The following CNOT8 variants were observed in gnomAD, a reference collection of about 807,000 sequenced individuals.
CNOT8 encodes the protein CCR4-NOT transcription complex subunit 8.
A neutral mutation model predicts 34.6 loss-of-function variants in CNOT8; 18 were observed. The observed-to-expected ratio is 0.52, with a 90% CI of 0.36 to 0.77. The LOEUF (loss-of-function observed/expected upper bound fraction) is 0.77. Ranked by LOEUF, CNOT8 falls within the 30% of genes least tolerant of loss-of-function variation. CNOT8 has a pLI of 0.00. For synonymous variants in CNOT8, 101 were observed against 118.8 expected (o/e 0.85, Z 0.98); for missense variants, 189 against 347.9 (o/e 0.54, Z 3.63).
At chr5:154,869,425 G>GT (rs765749537) in intron 3 of CNOT8, among the ~76,000 whole-genome samples, 14,828 of 127,222 alleles carry the variant, frequency 0.12, 932 homozygotes, top group African/African-American at 0.17. Flanking sequence ...GGCCTTGTTG[G>GT]TTTTTTTTTT....
chr5:154,874,569 T>C (rs1445671670), intron 6 of CNOT8, among the ~76,000 whole-genome samples: 2 of 152,046 alleles, frequency 1.3e-5, no homozygotes, highest in African/African-American at 4.8e-5. Context: ...GAGTCTTGCA[T>C]TGTCACCCAG....
chr5:154,863,423 C>T, intron 2 of CNOT8, 28 bp downstream of exon 2: 2 of 1,511,824 alleles, frequency 1.3e-6, no homozygotes, highest in South Asian at 1.1e-5. Context: ...GACTCACCTT[C>T]TTTGTCACTT....
intron 1 of CNOT8, among the ~76,000 whole-genome samples, chr5:154,862,482 G>C (rs539928600): frequency 1.1e-4 from 17 of 151,888 alleles, no homozygotes; most frequent in African/African-American, 3.9e-4. Context: ...AAAAAAAAAA[G>C]TAAATACTAA....
intron 6 of CNOT8, among the ~76,000 whole-genome samples, chr5:154,875,089 G>A (rs757638675): frequency 1.3e-5 from 2 of 151,862 alleles, no homozygotes; most frequent in Non-Finnish European, 2.9e-5. Flanking sequence ...GCTCATTTTT[G>A]TACTTTTAGT....
intron 6 of CNOT8, 143 bp from the exon 7 acceptor site, chr5:154,875,147 C>A: frequency 1.2e-6 from 1 of 836,658 alleles, no homozygotes; most frequent in Non-Finnish European, 1.9e-6. Context: ...GACCTCCTGA[C>A]CCCAAGTGAT....
chr5:154,873,016 G>A (rs1390101090), intron 6 of CNOT8, among the ~76,000 whole-genome samples: 3 of 152,166 alleles, frequency 2.0e-5, no homozygotes, highest in African/African-American at 7.2e-5. Context: ...TGATCTGCCT[G>A]CCTTGGTCTC....
At chr5:154,861,845 C>T (rs1480419113) in intron 1 of CNOT8, among the ~76,000 whole-genome samples, 3 of 152,156 alleles carry the variant, frequency 2.0e-5, no homozygotes, top group Admixed American at 6.6e-5. Flanking sequence ...ACTGCAGGCG[C>T]GTGCCACCAC....
chr5:154,863,013 C>CTG (rs139384684), intron 1 of CNOT8, among the ~76,000 whole-genome samples, 194 bp from the exon 2 acceptor site: 2 of 151,906 alleles, frequency 1.3e-5, no homozygotes, highest in African/African-American at 4.8e-5. Flanking sequence ...CAAGAAAGAA[C>CTG]TGTGTGTGTG....
chr5:154,866,690 A>T (rs1201939900), intron 3 of CNOT8, among the ~76,000 whole-genome samples: 1 of 152,146 alleles, frequency 6.6e-6, no homozygotes, highest in East Asian at 1.9e-4. Context: ...GGATCACTGG[A>T]TCACTTGAGG....
chr5:154,862,395 A>G (rs1432156251), intron 1 of CNOT8, among the ~76,000 whole-genome samples: 3 of 152,002 alleles, frequency 2.0e-5, no homozygotes, highest in Non-Finnish European at 2.9e-5. Context: ...GCTTGCACCC[A>G]GGAGGCAAAG....
intron 1 of CNOT8, among the ~76,000 whole-genome samples, chr5:154,862,439 T>C (rs1761440215): frequency 6.6e-6 from 1 of 151,580 alleles, no homozygotes; most frequent in Admixed American, 6.6e-5. Context: ...CACTGCACTC[T>C]AGCCTGGGCG....
intron 1 of CNOT8, 106 bp from the exon 2 acceptor site, chr5:154,863,100 GT>G (rs1191702624): frequency 1.3e-5 from 7 of 552,992 alleles, no homozygotes; most frequent in Admixed American, 3.1e-5. Context: ...TAATCTTAAT[GT>G]TTTAAACTAA....
intron 3 of CNOT8, among the ~76,000 whole-genome samples, chr5:154,868,263 CTTTTCTTTTTT>C (rs1762107513): frequency 7.9e-6 from 1 of 127,258 alleles, no homozygotes; most frequent in Non-Finnish European, 1.6e-5. Flanking sequence ...TTTTTCTTTT[CTTTTCTTTTTT>C]TTTTTTTTTT....
At chr5:154,868,061 C>T (rs920419960) in intron 3 of CNOT8, among the ~76,000 whole-genome samples, 3 of 151,350 alleles carry the variant, frequency 2.0e-5, no homozygotes, top group African/African-American at 4.8e-5. Context: ...CTCAGCCTCC[C>T]GAGTAGCTGG....
At chr5:154,874,574 A>T (rs1582630970) in intron 6 of CNOT8, among the ~76,000 whole-genome samples, 1 of 151,858 alleles carries the variant, frequency 6.6e-6, no homozygotes, top group East Asian at 1.9e-4. Context: ...TTGCATTGTC[A>T]CCCAGGCTGG....
In CNOT8 at chr5:154,868,273, T is replaced by C. The variant is rs1476272318; in HGVS notation, c.312-2388T>C. Among the ~76,000 whole-genome samples the C allele has an allele frequency of 2.8e-3, 410 of 146,328 alleles. 1 individual carries two copies. The highest frequency in any genetic ancestry group is 9.9e-3 in the African/African-American group (391 of 39,384). On this transcript the variant is annotated intron_variant, in intron 3 of 6. Coordinates refer to ENST00000285896, the MANE Select transcript of CNOT8 (RefSeq NM_001301073.2). ...TTTTCTTTTTCTTTTCTTTTCTTTT[T>C]TTTTTTTTTTTTTGAGGTAATGTCT...
At chr5:154,871,111 G>A (rs1762444744) in intron 4 of CNOT8, among the ~76,000 whole-genome samples, 1 of 152,220 alleles carries the variant, frequency 6.6e-6, no homozygotes, top group East Asian at 1.9e-4. Context: ...TCTTTTAAAT[G>A]GCTGTCTCGG....
chr5:154,876,555 T>G lies in CNOT8; in HGVS notation c.*1116T>G, dbSNP rs1356528281. On this transcript the variant is annotated 3_prime_UTR_variant, in exon 7 of 7. Transcript: ENST00000285896. ...GTCATTTCAAAAGCATATTGTATTTTTTTGAATGACTACAGTATGGACAAT... is the reference window on the plus strand; with the variant it reads ...GTCATTTCAAAAGCATATTGTATTTGTTTGAATGACTACAGTATGGACAAT... 6.6e-6 allele frequency: 1 copy of G among 152,604 alleles called. No homozygotes were observed. Among genetic ancestry groups the G allele is most frequent in the Non-Finnish European group, 1.5e-5 (1 of 68,034 alleles). 9.5% of individuals were successfully genotyped at this position (152,604 alleles called of 1,614,324 possible).
At chr5:154,869,423 T>TG (rs1249958690) in intron 3 of CNOT8, among the ~76,000 whole-genome samples, 3 of 135,008 alleles carry the variant, frequency 2.2e-5, no homozygotes, top group African/African-American at 9.4e-5. Context: ...CCGGCCTTGT[T>TG]GGTTTTTTTT....
Sources: allele counts gnomAD v4.1 joint callset (sites outside exome capture counted in the v4.1 genomes callset), GRCh38; gene constraint gnomAD v4.1.1; transcripts MANE v1.5; gene names NCBI Gene and HGNC (gene_info 2026-07-23, HGNC 2026-07-21).